HPGDS: variants seen among roughly 807,000 people sequenced by gnomAD.
HPGDS encodes the protein hematopoietic prostaglandin D synthase.
A neutral mutation model predicts 23.1 loss-of-function variants in HPGDS; 26 were observed. The ratio of observed to expected loss-of-function variants is 1.13; its 90% CI spans 0.83 to 1.56. The LOEUF (loss-of-function observed/expected upper bound fraction) is 1.56, where lower values mean the gene tolerates loss of function less well. HPGDS is among the 40% of genes most tolerant of loss of function. HPGDS has a pLI of 0.00. For synonymous variants in HPGDS, 95 were observed against 77.9 expected, an observed-to-expected ratio of 1.22 and a Z score of -1.16; for missense variants, 268 against 236.4, an observed-to-expected ratio of 1.13 and a Z score of -0.88.
chr4:94,336,432 G>A (rs1721013716), intron 1 of HPGDS, among the ~76,000 whole-genome samples: 1 of 152,144 alleles, frequency 6.6e-6, no homozygotes. Flanking sequence ...CCTGGCTTCT[G>A]TGTCCAGATG....
At position 94,302,003 on chromosome 4, in the gene HPGDS, G is replaced by C. The variant is rs1756049498; in HGVS notation, c.435+143C>G. 7 of 463,214 alleles carry C rather than the reference G, an allele frequency of 1.5e-5. No homozygotes were observed. The South Asian group carries it at 3.3e-4, about 22-fold the overall frequency. 28.7% of individuals were successfully genotyped at this position (463,214 alleles called of 1,614,324 possible). ...AAAGTCAAATCTATTTTTTAAAAAG[G>C]TTTATTTAAAGAAGTTTAACCTTTG... On this transcript the variant is annotated intron_variant, in intron 5 of 5. Transcript: ENST00000295256.
intron 1 of HPGDS, among the ~76,000 whole-genome samples, chr4:94,338,376 G>T (rs148325652): frequency 1.2e-3 from 186 of 152,270 alleles, no homozygotes; most frequent in African/African-American, 4.2e-3. Flanking sequence ...AGTGAGCCAA[G>T]ACCGCGACAC....
In HPGDS at chr4:94,334,651, A is replaced by G. The variant is rs764087003; in HGVS notation, c.-9-13T>C. 1 of 1,604,704 alleles carries G rather than the reference A, an allele frequency of 6.2e-7. No individual in the cohort carries two copies. Among genetic ancestry groups the G allele is most frequent in the South Asian group, 1.1e-5 (1 of 88,656 alleles). On this transcript the variant is annotated splice_polypyrimidine_tract_variant and intron_variant, in intron 1 of 5. Coordinates refer to ENST00000295256, the MANE Select transcript of HPGDS (RefSeq NM_014485.3). ...GCATGGTGCAATTCTGGAAAAAGAA[A>G]AAGGGAGGGATTATTTTAAGAGCCC...
chr4:94,328,503 A>G (rs925001028), intron 2 of HPGDS, among the ~76,000 whole-genome samples: 2 of 152,176 alleles, frequency 1.3e-5, no homozygotes, highest in Admixed American at 6.5e-5. Context: ...AACCTATTAT[A>G]TTTTTGTCAC....
intron 3 of HPGDS, among the ~76,000 whole-genome samples, chr4:94,316,435 A>T (rs1375980905): frequency 6.6e-6 from 1 of 152,226 alleles, no homozygotes; most frequent in African/African-American, 2.4e-5. Context: ...GACCATTTCA[A>T]TGATCTCTTA....
intron 2 of HPGDS, among the ~76,000 whole-genome samples, chr4:94,331,319 T>C (rs1024565491): frequency 6.6e-6 from 1 of 152,212 alleles, no homozygotes. Flanking sequence ...CTGAGGATTT[T>C]AAAAAATGTT....
chr4:94,342,139 AT>A (rs535659161), intron 1 of HPGDS, among the ~76,000 whole-genome samples: 2,058 of 144,630 alleles, frequency 0.014, 23 homozygotes, highest in South Asian at 0.056. Context: ...TGAAAGCTCT[AT>A]TTTTTTTTTT....
At chr4:94,308,139 A>G (rs1463268463) in intron 4 of HPGDS, among the ~76,000 whole-genome samples, 2 of 152,178 alleles carry the variant, frequency 1.3e-5, no homozygotes, top group African/African-American at 2.4e-5. Context: ...CCTTATACAC[A>G]TAGCCAAAGG....
Position 94,339,358 on chromosome 4 carries a change from T to C in HPGDS, c.-10+3437A>G, listed in dbSNP as rs559555643. Reference sequence around the variant, plus strand: ...AAAGCTGATTGTGTTTGAAGATATTTACATCTAAAGATCTTTGCATCTAAA... The same window carrying C: ...AAAGCTGATTGTGTTTGAAGATATTCACATCTAAAGATCTTTGCATCTAAA... On this transcript the variant is annotated intron_variant, in intron 1 of 5. Coordinates refer to ENST00000295256, the MANE Select transcript of HPGDS (RefSeq NM_014485.3). Among the ~76,000 whole-genome samples, 33 of 152,354 alleles carry C rather than the reference T, an allele frequency of 2.2e-4. 1 individual carries two copies. Among genetic ancestry groups the C allele is most frequent in the African/African-American group, 7.9e-4 (33 of 41,586 alleles).
At chr4:94,342,139 A>AT (rs535659161) in intron 1 of HPGDS, among the ~76,000 whole-genome samples, 16,419 of 144,716 alleles carry the variant, frequency 0.11, 2,563 homozygotes, top group African/African-American at 0.36. Flanking sequence ...TGAAAGCTCT[A>AT]TTTTTTTTTT....
chr4:94,310,584 G>A (rs1158454381), intron 3 of HPGDS, among the ~76,000 whole-genome samples: 1 of 152,144 alleles, frequency 6.6e-6, no homozygotes, highest in African/African-American at 2.4e-5. Flanking sequence ...TTCCAGCCTT[G>A]TTCTTTTTGC....
At chr4:94,330,335 G>A (rs1045605692) in intron 2 of HPGDS, among the ~76,000 whole-genome samples, 1 of 152,176 alleles carries the variant, frequency 6.6e-6, no homozygotes, top group African/African-American at 2.4e-5. Context: ...CTAGTTAGAG[G>A]TACAGATGCA....
intron 1 of HPGDS, among the ~76,000 whole-genome samples, chr4:94,338,094 A>T (rs932900876): frequency 2.0e-5 from 3 of 152,202 alleles, no homozygotes; most frequent in Non-Finnish European, 4.4e-5. Context: ...CAGATGTTAT[A>T]TCAGAACATC....
At chr4:94,329,484 C>A (rs1194116051) in intron 2 of HPGDS, among the ~76,000 whole-genome samples, 1 of 152,054 alleles carries the variant, frequency 6.6e-6, no homozygotes, top group Non-Finnish European at 1.5e-5. Context: ...GCACTCTTCA[C>A]CTGGAGGAGA....
intron 1 of HPGDS, among the ~76,000 whole-genome samples, chr4:94,340,995 A>G (rs951246294): frequency 2.7e-5 from 4 of 149,830 alleles, no homozygotes; most frequent in African/African-American, 7.4e-5. Context: ...ACAGACGCCC[A>G]CCACCGCGCC....
At chr4:94,332,169 T>C (rs1378152867) in intron 2 of HPGDS, among the ~76,000 whole-genome samples, 2 of 152,110 alleles carry the variant, frequency 1.3e-5, no homozygotes, top group Non-Finnish European at 2.9e-5. Context: ...GAGAGATGAC[T>C]TGACTTCAGG....
intron 4 of HPGDS, 68 bp downstream of exon 4, chr4:94,308,565 AG>A (rs1364998438): frequency 1.2e-5 from 9 of 728,486 alleles, no homozygotes; most frequent in African/African-American, 7.1e-5. Context: ...GAACTTTCTA[AG>A]GCACCTAACA....
At chr4:94,324,653 A>G (rs896382823) in intron 2 of HPGDS, among the ~76,000 whole-genome samples, 1 of 152,002 alleles carries the variant, frequency 6.6e-6, no homozygotes, top group African/African-American at 2.4e-5. Context: ...CTAATTAACC[A>G]TTCGTCTAAT....
At chr4:94,339,299 T>A (rs986094765) in intron 1 of HPGDS, among the ~76,000 whole-genome samples, 1 of 152,226 alleles carries the variant, frequency 6.6e-6, no homozygotes, top group African/African-American at 2.4e-5. Context: ...GAAAACTGCA[T>A]GTTTCCTGAA....
Sources: gnomAD v4.1 joint callset for allele counts (sites outside exome capture counted in the v4.1 genomes callset) on GRCh38, gnomAD v4.1.1 for gene constraint, MANE v1.5 for transcripts, NCBI Gene and HGNC (gene_info 2026-07-23, HGNC 2026-07-21) for gene names.